TPGS1: variants seen among roughly 807,000 people sequenced by gnomAD.
TPGS1 encodes the protein gene trap ROSA b-geo 22.
TPGS1 carries 18 observed loss-of-function variants against 11.9 expected under a neutral mutation model. That is an observed-to-expected ratio of 1.51 (90% CI 1.04 to 2.24). The LOEUF is 2.24. TPGS1 is among the 30% of genes most tolerant of loss of function. The pLI is 0.00. For synonymous variants in TPGS1, 247 were observed against 218.2 expected, an observed-to-expected ratio of 1.13 and a Z score of -1.16; for missense variants, 500 against 443.0, an observed-to-expected ratio of 1.13 and a Z score of -1.16.
At chr19:513,007 A>G (rs1978846618) in intron 1 of TPGS1, among the ~76,000 whole-genome samples, 1 of 152,118 alleles carries the variant, frequency 6.6e-6, no homozygotes, top group Admixed American at 6.5e-5. Flanking sequence ...GGCCACGGCA[A>G]CCTCCTAAGA....
rs563739221 is a variant in TPGS1 at position 511,549 on chromosome 19, C to T, written c.338+3705C>T. Among the ~76,000 whole-genome samples, 335 of 152,384 alleles carry T rather than the reference C, an allele frequency of 2.2e-3. 1 individual carries two copies. The highest frequency in any genetic ancestry group is 3.7e-3 in the Non-Finnish European group (252 of 68,042). ...CCCGTCCTCACAAGAACCCCCACTC[C>T]GTAGATGCACAAGGCCAGGTGCAGA... On this transcript the variant is annotated intron_variant, in intron 1 of 1. Coordinates refer to ENST00000359315, the MANE Select transcript of TPGS1 (RefSeq NM_033513.3).
At chr19:516,195 G>A (rs997133848) in intron 1 of TPGS1, among the ~76,000 whole-genome samples, 7 of 152,254 alleles carry the variant, frequency 4.6e-5, no homozygotes, top group African/African-American at 1.7e-4. Flanking sequence ...TGGAGAGACC[G>A]AAAAAGGTTC....
chr19:513,221 G>A (rs1227472323), intron 1 of TPGS1, among the ~76,000 whole-genome samples: 1 of 152,196 alleles, frequency 6.6e-6, no homozygotes, highest in East Asian at 1.9e-4. Context: ...ATGGGAGCTC[G>A]GGCCGCCGCG....
chr19:511,451 C>G (rs1978792114), intron 1 of TPGS1, among the ~76,000 whole-genome samples: 1 of 152,250 alleles, frequency 6.6e-6, no homozygotes, highest in Non-Finnish European at 1.5e-5. Flanking sequence ...TAATTACAGC[C>G]CAAAATAAGC....
chr19:512,044 T>C (rs1978812849), intron 1 of TPGS1, among the ~76,000 whole-genome samples: 1 of 152,102 alleles, frequency 6.6e-6, no homozygotes, highest in African/African-American at 2.4e-5. Context: ...CTAATTTTTG[T>C]ATTTTTAGTA....
intron 1 of TPGS1, among the ~76,000 whole-genome samples, chr19:515,930 G>T (rs1360219262): frequency 6.6e-6 from 1 of 151,816 alleles, no homozygotes; most frequent in East Asian, 1.9e-4. Flanking sequence ...TACTTGGGAG[G>T]CTGAGGCAGG....
chr19:514,972 G>A (rs1490353179), intron 1 of TPGS1, among the ~76,000 whole-genome samples: 1 of 152,132 alleles, frequency 6.6e-6, no homozygotes, highest in East Asian at 1.9e-4. Flanking sequence ...GCTCCTCACT[G>A]GGGCAGGGAA....
At position 507,533 on chromosome 19, in the gene TPGS1, A is replaced by T. The variant is rs781635771; in HGVS notation, c.27A>T (p.Gln9His). 1 of 1,419,782 alleles carries T rather than the reference A, an allele frequency of 7.0e-7. No homozygotes were observed. Among genetic ancestry groups the T allele is most frequent in the South Asian group, 1.5e-5 (1 of 66,414 alleles). The allele number at this position is 1,419,782 out of a possible 1,614,324, so 87.9% of individuals were successfully genotyped here. Reference protein sequence around the residue: MAAVEKRRQAVPPPAGFTD... With the variant: MAAVEKRRHAVPPPAGFTD... ...TGGCGGCAGTGGAGAAGCGGCGGCA[A>T]GCGGTACCACCGCCGGCCGGTTTCA... The change falls in exon 1 of 2, where the codon CAA (glutamine) becomes CAT (histidine). Residue 9 changes from glutamine to histidine, a missense_variant. Physicochemically the swap from Gln to His is conservative, Grantham distance 24. Transcript: ENST00000359315.
intron 1 of TPGS1, among the ~76,000 whole-genome samples, chr19:518,065 G>A (rs1979017008): frequency 1.6e-5 from 2 of 126,896 alleles, no homozygotes; most frequent in Non-Finnish European, 3.4e-5. Context: ...GGAGGAGGAA[G>A]GCCTGGCTGG....
chr19:514,946 C>T (rs942896144), intron 1 of TPGS1, among the ~76,000 whole-genome samples: 1 of 152,174 alleles, frequency 6.6e-6, no homozygotes, highest in Non-Finnish European at 1.5e-5. Context: ...ACGAGTGGCA[C>T]GTAGTAAGGC....
intron 1 of TPGS1, among the ~76,000 whole-genome samples, chr19:517,315 G>A (rs149026358): frequency 0.042 from 5,502 of 131,428 alleles, 196 homozygotes; most frequent in South Asian, 0.09. Flanking sequence ...CCCTGAGGCC[G>A]GTCCAGTTGG....
intron 1 of TPGS1, among the ~76,000 whole-genome samples, chr19:511,313 G>A (rs886736594): frequency 1.3e-5 from 2 of 152,272 alleles, no homozygotes; most frequent in African/African-American, 4.8e-5. Context: ...GCGGGTATGC[G>A]GCCGCCTTGA....
chr19:510,926 G>C (rs141319490), intron 1 of TPGS1, among the ~76,000 whole-genome samples: 1 of 152,218 alleles, frequency 6.6e-6, no homozygotes, highest in Non-Finnish European at 1.5e-5. Context: ...GGAGCTCCCC[G>C]AGTCGTGACA....
At chr19:517,956 C>G (rs1331905294) in intron 1 of TPGS1, among the ~76,000 whole-genome samples, 2 of 81,216 alleles carry the variant, frequency 2.5e-5, no homozygotes, top group African/African-American at 1.2e-4. Flanking sequence ...GGAGGAGGCC[C>G]AGGCTGGGTA....
At chr19:509,128 T>C (rs1041833354) in intron 1 of TPGS1, 4 of 152,200 alleles carry the variant, frequency 2.6e-5, no homozygotes, top group Admixed American at 2.6e-4. Context: ...AAGACTGAAC[T>C]GGAGGGGTCC....
chr19:519,097 G>A lies in TPGS1; in HGVS notation c.547G>A (p.Ala183Thr), dbSNP rs1347147794. 1.3e-6 allele frequency: 2 copies of A among 1,532,428 alleles called. No individual in the cohort carries two copies. Among genetic ancestry groups the A allele is most frequent in the Non-Finnish European group, 1.7e-6 (2 of 1,145,568 alleles). 94.9% of individuals were successfully genotyped at this position (1,532,428 alleles called of 1,614,324 possible). ...HEAVPLSVFR[A>T]GTLTCFVLLE... ...GGCGGTGCCGCTGAGCGTCTTCCGC[G>A]CGGGCACACTCACCTGCTTCGTGCT... The change falls in exon 2 of 2, where the codon GCG becomes ACG. Residue 183 changes from alanine (A) to threonine (T), a missense_variant. Physicochemically the swap from Ala to Thr is moderately conservative, Grantham distance 58. Coordinates refer to ENST00000359315, the MANE Select transcript of TPGS1 (RefSeq NM_033513.3).
In TPGS1 at chr19:507,626, G is replaced by T; in HGVS notation, c.120G>T (p.Arg40=). 1 of 1,393,816 alleles carries T rather than the reference G, an allele frequency of 7.2e-7. No individual in the cohort carries two copies. The allele number at this position is 1,393,816 out of a possible 1,614,324, so 86.3% of individuals were successfully genotyped here. Residue 40 remains arginine, a synonymous_variant, in exon 1 of 2, where the codon CGG becomes CGT. Coordinates refer to ENST00000359315, the MANE Select transcript of TPGS1 (RefSeq NM_033513.3). ...CCGAGAGCGAGGAGGACTTCCTGCG[G>T]CAGGTCGGCGTGACGGAAATGCTAC... ...GAAESEEDFL[R]QVGVTEMLRA...
intron 1 of TPGS1, among the ~76,000 whole-genome samples, chr19:511,882 T>G (rs1241668294): frequency 1.4e-5 from 1 of 72,640 alleles, no homozygotes; most frequent in Non-Finnish European, 2.6e-5. Context: ...TTTTTTGTTG[T>G]TTTTTTTGAG....
intron 1 of TPGS1, among the ~76,000 whole-genome samples, chr19:518,106 G>T (rs1979019239): frequency 8.0e-6 from 1 of 124,992 alleles, no homozygotes; most frequent in Admixed American, 7.7e-5. Context: ...GCCCCGGGCT[G>T]GGGGGTGCTG....
Sources: gnomAD v4.1 joint callset for allele counts (sites outside exome capture counted in the v4.1 genomes callset) on GRCh38, gnomAD v4.1.1 for gene constraint, MANE v1.5 for transcripts, NCBI Gene and HGNC (gene_info 2026-07-23, HGNC 2026-07-21) for gene names.